Variants in MAP4 observed in about 807,000 individuals in gnomAD.
The protein encoded by MAP4 is microtubule-associated protein 4.
Under a neutral mutation model 170.2 loss-of-function variants are expected in MAP4, and 76 were observed. The ratio of observed to expected loss-of-function variants is 0.45; its 90% CI spans 0.37 to 0.54. The LOEUF (loss-of-function observed/expected upper bound fraction) is 0.54, where lower values mean the gene tolerates loss of function less well. Among genes scored for constraint, MAP4 ranks in the 20% least tolerant of loss-of-function variants. The probability of loss-of-function intolerance (pLI) is 0.00; values close to 1 mark genes in which losing one functional copy is unlikely to be tolerated. For synonymous variants in MAP4, 909 were observed against 994.5 expected, an observed-to-expected ratio of 0.91 and a Z score of 1.62; for missense variants, 2,506 against 2,748.0, an observed-to-expected ratio of 0.91 and a Z score of 1.97.
chr3:48,086,249 G>C (rs1415888866), intron 1 of MAP4, among the ~76,000 whole-genome samples: 1 of 151,930 alleles, frequency 6.6e-6, no homozygotes, highest in Non-Finnish European at 1.5e-5. Context: ...CTTGAACCTG[G>C]GAGGCAGAGG....
At chr3:48,021,353 GT>G (rs532414824), upstream of MAP4, among the ~76,000 whole-genome samples, 31 of 142,284 alleles carry the variant, frequency 2.2e-4, no homozygotes, top group East Asian at 2.0e-4. Context: ...GTTTGTTTTT[GT>G]TTTTTTTTTT....
chr3:48,021,009 G>C (rs1349287494), upstream of MAP4, among the ~76,000 whole-genome samples: 1 of 152,188 alleles, frequency 6.6e-6, no homozygotes, highest in Admixed American at 6.5e-5. Flanking sequence ...TCATGACACA[G>C]AGAAATCTCA....
chr3:47,937,656 CTTTTT>C (rs71070243), intron 3 of MAP4, among the ~76,000 whole-genome samples: 4 of 107,932 alleles, frequency 3.7e-5, no homozygotes, highest in African/African-American at 7.5e-5. Flanking sequence ...TTTTCTTCTT[CTTTTT>C]TTTTTTTTTT....
intron 3 of MAP4, among the ~76,000 whole-genome samples, chr3:47,970,989 A>G (rs893937699): frequency 3.3e-5 from 5 of 152,230 alleles, no homozygotes; most frequent in African/African-American, 9.6e-5. Context: ...AGCTGGTTTC[A>G]ATGGAGTCCT....
chr3:47,951,967 ACTGT>A lies in MAP4; in HGVS notation c.293-23621_293-23618del, dbSNP rs1325375272. On this transcript the variant is annotated intron_variant, in intron 3 of 20. Transcript: ENST00000683076. ...GTGGAGCGTCTCTGCCCGGCCGCCCACTGTCTGAGATGTGGGGAGCGCCTCTGCC... is the reference window on the plus strand; with the variant it reads ...GTGGAGCGTCTCTGCCCGGCCGCCCACTGAGATGTGGGGAGCGCCTCTGCC... Among the ~76,000 whole-genome samples the A allele has an allele frequency of 1.1e-4, 13 of 113,970 alleles. No homozygotes were observed. The South Asian group carries it at 3.8e-3, about 33-fold the overall frequency. 74.8% of individuals were successfully genotyped at this position (113,970 alleles called of 152,430 possible).
At chr3:48,028,288 T>C (rs572207352) in intron 1 of MAP4, among the ~76,000 whole-genome samples, 139 of 152,112 alleles carry the variant, frequency 9.1e-4, no homozygotes, top group African/African-American at 3.2e-3. Context: ...CAAGACACCA[T>C]CTCTGGGGGG....
At chr3:47,918,937 T>C in intron 5 of MAP4, 96 bp from the exon 6 acceptor site, 1 of 910,956 alleles carries the variant, frequency 1.1e-6, no homozygotes, top group East Asian at 3.5e-5. Flanking sequence ...GTTTTGTTTG[T>C]TTTTTTTTTG....
chr3:48,043,822 A>G (rs950755398), intron 1 of MAP4, among the ~76,000 whole-genome samples: 5 of 152,202 alleles, frequency 3.3e-5, no homozygotes, highest in African/African-American at 9.6e-5. Flanking sequence ...ATAATTAATG[A>G]GAAAAACTGC....
chr3:48,058,688 C>T (rs538608633), intron 1 of MAP4, among the ~76,000 whole-genome samples: 1 of 152,258 alleles, frequency 6.6e-6, no homozygotes, highest in African/African-American at 2.4e-5. Context: ...TTTATTGTTG[C>T]TTTGGTTTGT....
At position 47,853,257 on chromosome 3, in the gene MAP4, G is replaced by C. The variant is rs1001710694; in HGVS notation, c.6792C>G (p.Pro2264=). 6.3e-7 allele frequency: 1 copy of C among 1,594,188 alleles called. No homozygotes were observed. The highest frequency in any genetic ancestry group is 8.6e-7 in the Non-Finnish European group (1 of 1,168,974). The change falls in exon 20 of 21, where the codon CCC becomes CCG. Residue 2264 remains proline, a synonymous_variant. Transcript: ENST00000683076. The part of the protein sequence containing the change: ...ISEAAPEAGA[P]TSASGLNGHP... ...GGCCATTGAGGCCACTGGCTGAAGT[G>C]GGGGCGCCAGCTTCAGGCGCTGCCT...
chr3:47,915,082 C>T (rs1236749642), intron 7 of MAP4, 143 bp from the exon 8 acceptor site: 7 of 926,364 alleles, frequency 7.6e-6, no homozygotes, highest in African/African-American at 3.3e-5. Context: ...TAGTTGGAAG[C>T]TGAAGTTGGG....
chr3:48,035,600 C>T (rs1406467703), intron 1 of MAP4, among the ~76,000 whole-genome samples: 1 of 151,496 alleles, frequency 6.6e-6, no homozygotes, highest in African/African-American at 2.4e-5. Flanking sequence ...CACCACTGCA[C>T]TCACTCAACA....
intron 10 of MAP4, among the ~76,000 whole-genome samples, chr3:47,878,523 T>TA (rs1169171965): frequency 6.6e-6 from 1 of 152,070 alleles, no homozygotes; most frequent in Admixed American, 6.6e-5. Flanking sequence ...ATAAGAAAAA[T>TA]AAAAAAACCC....
chr3:48,042,676 G>A (rs1010690019), intron 1 of MAP4, among the ~76,000 whole-genome samples: 2 of 152,138 alleles, frequency 1.3e-5, no homozygotes, highest in Non-Finnish European at 2.9e-5. Context: ...ATAAAATGGT[G>A]CAGCCACCTT....
chr3:48,032,341 AT>A (rs1466966575), intron 1 of MAP4, among the ~76,000 whole-genome samples: 1 of 152,090 alleles, frequency 6.6e-6, no homozygotes, highest in African/African-American at 2.4e-5. Context: ...CTAAAAAAAA[AT>A]AATAAAAAAA....
Position 47,916,696 on chromosome 3 carries a change from C to T in MAP4, c.1131G>A (p.Lys377=), listed in dbSNP as rs1414971402. ...TAGGAGATGCCCTCTCTGTTTCTTT[C>T]TTGTTTTCTTTGGGTGGTCCCATGT... The part of the protein sequence containing the change: ...SKDMGPPKEN[K]KETERASPIK... Residue 377 remains lysine (K), a synonymous_variant, in exon 7 of 21, where the codon AAG becomes AAA. Coordinates refer to ENST00000683076, the MANE Select transcript of MAP4 (RefSeq NM_001385682.1). The T allele has an allele frequency of 3.7e-6, 6 of 1,614,008 alleles. No individual in the cohort carries two copies. In the African/African-American group the frequency reaches 6.7e-5, roughly 18 times the overall value.
intron 3 of MAP4, among the ~76,000 whole-genome samples, chr3:47,943,274 C>G (rs1245561957): frequency 6.6e-6 from 1 of 152,148 alleles, no homozygotes; most frequent in Non-Finnish European, 1.5e-5. Context: ...TCCTTCTCCA[C>G]TGTATTAAAC....
chr3:48,067,742 C>T (rs543938995), intron 1 of MAP4, among the ~76,000 whole-genome samples: 6 of 151,382 alleles, frequency 4.0e-5, no homozygotes, highest in South Asian at 4.2e-4. Context: ...TGGGTTCAAG[C>T]GATTCTCCTG....
At chr3:47,919,142 C>A (rs557120398) in intron 5 of MAP4, among the ~76,000 whole-genome samples, 1 of 151,632 alleles carries the variant, frequency 6.6e-6, no homozygotes, top group African/African-American at 2.4e-5. Flanking sequence ...CATGTTAGCC[C>A]GGATAGTCTC....
Sources: allele counts gnomAD v4.1 joint callset (sites outside exome capture counted in the v4.1 genomes callset), GRCh38; gene constraint gnomAD v4.1.1; transcripts MANE v1.5; gene names NCBI Gene and HGNC (gene_info 2026-07-23, HGNC 2026-07-21).